The following SH2D1B variants were observed in gnomAD, a reference collection of about 807,000 sequenced individuals.
The protein encoded by SH2D1B is SH2 domain containing 1B, also known as SH2 domain-containing protein 1B.
A neutral mutation model predicts 16.3 loss-of-function variants in SH2D1B; 11 were observed. The observed-to-expected ratio is 0.67, with a 90% CI of 0.42 to 1.11. The LOEUF (loss-of-function observed/expected upper bound fraction) is 1.11. SH2D1B is among the 50% of genes most tolerant of loss of function. The probability of loss-of-function intolerance (pLI) is 0.00; values close to 1 mark genes in which losing one functional copy is unlikely to be tolerated. For synonymous variants in SH2D1B, 55 were observed against 56.1 expected, an observed-to-expected ratio of 0.98 and a Z score of 0.09; for missense variants, 123 against 153.1, an observed-to-expected ratio of 0.80 and a Z score of 1.04.
At chr1:162,406,587 ACCTTTCT>A (rs1396908551) in intron 1 of SH2D1B, among the ~76,000 whole-genome samples, 1 of 152,096 alleles carries the variant, frequency 6.6e-6, no homozygotes, top group African/African-American at 2.4e-5. Context: ...TGTTTTTTAT[ACCTTTCT>A]CTATATTTGA....
At chr1:162,407,103 C>T (rs1163147491) in intron 1 of SH2D1B, among the ~76,000 whole-genome samples, 1 of 152,252 alleles carries the variant, frequency 6.6e-6, no homozygotes, top group Non-Finnish European at 1.5e-5. Flanking sequence ...TAACCTTCCT[C>T]ACAGTATTTT....
rs377672706 is a variant in SH2D1B, at chr1:162,403,467, C to T, written c.135-665G>A. On this transcript the variant is annotated intron_variant, in intron 1 of 3. Coordinates refer to ENST00000367929, the MANE Select transcript of SH2D1B (RefSeq NM_053282.5). ...TCATGCCACTGCACTCCAGCCTGGG[C>T]GACAGAGCGAGACTCTGTCTGAAAA... Among the ~76,000 whole-genome samples, 129 of 113,706 alleles carry T rather than the reference C, an allele frequency of 1.1e-3. 3 individuals carry two copies. In the Middle Eastern group the frequency reaches 0.048, roughly 43 times the overall value. 74.6% of individuals were successfully genotyped at this position (113,706 alleles called of 152,430 possible).
Position 162,395,878 on chromosome 1 carries a change from C to T in SH2D1B, c.*1402G>A, listed in dbSNP as rs1044830770. On this transcript the variant is annotated 3_prime_UTR_variant, in exon 4 of 4. Transcript: ENST00000367929. ...GGCATGTTTATGCATGGGAAAACAT[C>T]ACAAGAACGTCAGTTCTCTCCTATT... 2 of 152,204 alleles carry T rather than the reference C, an allele frequency of 1.3e-5. No individual in the cohort carries two copies. Among genetic ancestry groups the T allele is most frequent in the African/African-American group, 4.8e-5 (2 of 41,456 alleles). 9.4% of individuals were successfully genotyped at this position (152,204 alleles called of 1,614,324 possible).
intron 1 of SH2D1B, among the ~76,000 whole-genome samples, chr1:162,408,475 C>G (rs959853761): frequency 2.2e-5 from 3 of 139,196 alleles, no homozygotes; most frequent in Non-Finnish European, 4.5e-5. Flanking sequence ...TGCAGTGGTG[C>G]GATCTTGGCT....
At chr1:162,405,503 A>C (rs1648633639) in intron 1 of SH2D1B, among the ~76,000 whole-genome samples, 1 of 152,202 alleles carries the variant, frequency 6.6e-6, no homozygotes, top group African/African-American at 2.4e-5. Flanking sequence ...ATATAAACTA[A>C]ATTTTAATTC....
intron 1 of SH2D1B, among the ~76,000 whole-genome samples, chr1:162,410,656 CTTTTTTTTTT>C (rs66614229): frequency 1.5e-5 from 2 of 129,980 alleles, no homozygotes; most frequent in Non-Finnish European, 3.3e-5. Flanking sequence ...TTTTCTTTTT[CTTTTTTTTTT>C]TTTTTTTGAG....
chr1:162,400,457 A>ATTTTTTTTTTTTT (rs34822047), intron 2 of SH2D1B, among the ~76,000 whole-genome samples: 24 of 110,830 alleles, frequency 2.2e-4, no homozygotes, highest in South Asian at 3.4e-4. Flanking sequence ...TACCTGGCTA[A>ATTTTTTTTTTTTT]TTTTTTTTTT....
intron 2 of SH2D1B, among the ~76,000 whole-genome samples, chr1:162,401,540 A>C (rs1298860520): frequency 2.0e-5 from 3 of 152,196 alleles, no homozygotes; most frequent in African/African-American, 7.2e-5. Context: ...AGCTATTTTC[A>C]AAGTTAATTT....
chr1:162,395,323 CA>C lies in SH2D1B; in HGVS notation c.*1956del, dbSNP rs1245988514. On this transcript the variant is annotated 3_prime_UTR_variant, in exon 4 of 4. Transcript: ENST00000367929. The stretch of plus-strand genomic sequence containing the variant: ...ACTTACCTTTATAATGGAGTGAAGA[CA>C]AAAGGAATGTGACTATCTCAATAGA... 2.0e-5 allele frequency: 3 copies of C among 151,668 alleles called. No homozygotes were observed. Among genetic ancestry groups the C allele is most frequent in the Non-Finnish European group, 2.9e-5 (2 of 67,930 alleles). 9.4% of individuals were successfully genotyped at this position (151,668 alleles called of 1,614,324 possible).
chr1:162,406,116 C>G (rs1195501421), intron 1 of SH2D1B, among the ~76,000 whole-genome samples: 1 of 152,156 alleles, frequency 6.6e-6, no homozygotes, highest in Non-Finnish European at 1.5e-5. Flanking sequence ...GACCTCTGGC[C>G]TTATCACTGT....
At chr1:162,410,256 C>T (rs912340671) in intron 1 of SH2D1B, among the ~76,000 whole-genome samples, 21 of 152,118 alleles carry the variant, frequency 1.4e-4, no homozygotes, top group Admixed American at 9.2e-4. Flanking sequence ...ATGTTTCCTC[C>T]GAGTAATTTT....
intron 3 of SH2D1B, 104 bp from the exon 4 acceptor site, chr1:162,397,419 AGCCATGTTGAT>A: frequency 8.0e-7 from 1 of 1,256,764 alleles, no homozygotes; most frequent in Non-Finnish European, 1.1e-6. Flanking sequence ...CCAGGCACAG[AGCCATGTTGAT>A]GCCACCTGAA....
chr1:162,398,155 G>C (rs1274951134), intron 3 of SH2D1B, among the ~76,000 whole-genome samples: 1 of 152,176 alleles, frequency 6.6e-6, no homozygotes, highest in Admixed American at 6.5e-5. Flanking sequence ...CAGGCTCCCA[G>C]AGAACTCTCT....
intron 1 of SH2D1B, among the ~76,000 whole-genome samples, chr1:162,404,951 T>C (rs1265839425): frequency 6.6e-6 from 1 of 152,198 alleles, no homozygotes; most frequent in African/African-American, 2.4e-5. Context: ...TCCTGATTAT[T>C]TACCCAGGAG....
chr1:162,405,609 T>C (rs973465073), intron 1 of SH2D1B, among the ~76,000 whole-genome samples: 1 of 152,230 alleles, frequency 6.6e-6, no homozygotes, highest in Non-Finnish European at 1.5e-5. Flanking sequence ...TCAATAAATA[T>C]GTGGTGTCTT....
At chr1:162,405,324 G>T (rs1412549623) in intron 1 of SH2D1B, among the ~76,000 whole-genome samples, 2 of 152,128 alleles carry the variant, frequency 1.3e-5, no homozygotes, top group African/African-American at 4.8e-5. Flanking sequence ...AGTTTTGGAG[G>T]TGATAAATAT....
chr1:162,405,040 A>G (rs1289852699), intron 1 of SH2D1B, among the ~76,000 whole-genome samples: 1 of 152,238 alleles, frequency 6.6e-6, no homozygotes, highest in Non-Finnish European at 1.5e-5. Flanking sequence ...ATAAATGAGT[A>G]AGCAATTTGG....
rs1648353492 is a variant in SH2D1B at position 162,395,532 on chromosome 1, A to T, written c.*1748T>A. ...TGACTATGAACTGTTTAATGTATAC[A>T]GGAGGCCCTAACCAATGGGTAAACA... On this transcript the variant is annotated 3_prime_UTR_variant, in exon 4 of 4. Transcript: ENST00000367929. 1 of 152,248 alleles carries T rather than the reference A, an allele frequency of 6.6e-6. No homozygotes were observed. Among genetic ancestry groups the T allele is most frequent in the Non-Finnish European group, 1.5e-5 (1 of 68,036 alleles). The allele number at this position is 152,248 out of a possible 1,614,324, so 9.4% of individuals were successfully genotyped here. A position where few individuals can be genotyped will look rare whatever the true frequency, so the allele number is the denominator to read the frequency against.
rs569322001 is a variant in SH2D1B, at chr1:162,399,011, C to G, written c.275G>C (p.Gly92Ala). 126 of 1,614,090 alleles carry G rather than the reference C, an allele frequency of 7.8e-5. 2 individuals are homozygous for G. In the South Asian group the frequency reaches 1.1e-3, roughly 14 times the overall value. ...TGGCTTTAAAAGGTGAACCACCATC[C>G]CCTGATTTGGTTTTTCAAATTTGGA... is the stretch of plus-strand genomic sequence containing the variant. ...LISKFEKPNQ[G>A]MVVHLLKPIK... is the part of the protein sequence containing the mutation. The change falls in exon 3 of 4, where the codon GGG becomes GCG. Residue 92 changes from glycine (G) to alanine (A), a missense_variant. Transcript: ENST00000367929.
Sources: allele counts gnomAD v4.1 joint callset (sites outside exome capture counted in the v4.1 genomes callset), GRCh38; gene constraint gnomAD v4.1.1; transcripts MANE v1.5; gene names NCBI Gene and HGNC (gene_info 2026-07-23, HGNC 2026-07-21).